Variants in XKR9 observed in about 807,000 individuals in gnomAD.
XKR9 encodes XK-related protein 9.
In XKR9, 32 loss-of-function variants were observed where a neutral mutation model predicts 32.0. The ratio of observed to expected loss-of-function variants is 1.00; its 90% CI spans 0.76 to 1.34. XKR9 has a LOEUF of 1.34. XKR9 is among the 40% of genes most tolerant of loss of function. The pLI is 0.00. For missense variants in XKR9, 546 were observed against 429.7 expected (o/e 1.27, Z -2.39); for synonymous variants, 168 against 143.4 (o/e 1.17, Z -1.22).
the XKR9 span, among the ~76,000 whole-genome samples, chr8:70,886,896 C>T: frequency 1.2e-4 from 18 of 152,098 alleles, no homozygotes; most frequent in African/African-American, 4.1e-4. Flanking sequence ...TTAATTAGAT[C>T]CCGTTTGTCA....
chr8:70,892,218 C>A, the XKR9 span, among the ~76,000 whole-genome samples: 1 of 151,988 alleles, frequency 6.6e-6, no homozygotes, highest in Admixed American at 6.6e-5. Flanking sequence ...CAGTGTGCAT[C>A]TTTTAATAGG....
chr8:70,745,073 AAGG>A (rs1375411654), intron 2 of XKR9, among the ~76,000 whole-genome samples: 1 of 150,142 alleles, frequency 6.7e-6, no homozygotes. Flanking sequence ...TACATCTACT[AAGG>A]AGCTTGAATG....
downstream of XKR9, among the ~76,000 whole-genome samples, chr8:70,791,963 G>A (rs1334024005): frequency 1.3e-5 from 2 of 152,010 alleles, no homozygotes; most frequent in Non-Finnish European, 2.9e-5. Flanking sequence ...AAGTAAGTAA[G>A]CCAGGCTTTG....
chr8:70,782,260 T>G (rs929067828), intron 2 of XKR9, among the ~76,000 whole-genome samples: 1 of 152,232 alleles, frequency 6.6e-6, no homozygotes, highest in African/African-American at 2.4e-5. Context: ...GTGCATTTTA[T>G]TTTTATTTTT....
rs1253695946 is a variant in XKR9, at chr8:70,669,386, C to CTGGCGCGAGGCGTGAGG, written c.-507_-491dup. ...GGCTGCGCGGGCAGTGGTGGGAAGG[C>CTGGCGCGAGGCGTGAGG]TGGCGCGAGGCGTGAGGTGGCGTGA... On this transcript the variant is annotated 5_prime_UTR_variant, in exon 1 of 5. Transcript: ENST00000408926. 1.1e-5 allele frequency: 5 copies of CTGGCGCGAGGCGTGAGG among 452,242 alleles called. No homozygotes were observed. In the Admixed American group the frequency reaches 1.2e-4, roughly 11 times the overall value. 28.0% of individuals were successfully genotyped at this position (452,242 alleles called of 1,614,324 possible). A position where few individuals can be genotyped will look rare whatever the true frequency, so the allele number is the denominator to read the frequency against.
the XKR9 span, among the ~76,000 whole-genome samples, chr8:70,845,815 A>G: frequency 6.6e-6 from 1 of 152,200 alleles, no homozygotes; most frequent in East Asian, 1.9e-4. Context: ...GACATCCTAA[A>G]GGAACCAAAT....
At chr8:70,709,650 C>T (rs754332730) in intron 4 of XKR9, among the ~76,000 whole-genome samples, 1 of 151,944 alleles carries the variant, frequency 6.6e-6, no homozygotes, top group Non-Finnish European at 1.5e-5. Flanking sequence ...TTTTTTACAC[C>T]AGCCATGTCC....
the XKR9 span, among the ~76,000 whole-genome samples, chr8:71,003,539 T>C: frequency 6.6e-6 from 1 of 152,108 alleles, no homozygotes; most frequent in Non-Finnish European, 1.5e-5. Flanking sequence ...AACTAACCCC[T>C]GGCTAGTGTT....
the XKR9 span, among the ~76,000 whole-genome samples, chr8:70,813,929 A>C: frequency 1.3e-5 from 2 of 152,168 alleles, no homozygotes; most frequent in East Asian, 1.9e-4. Flanking sequence ...TTGACGCAGC[A>C]ATCCCATTAC....
intron 2 of XKR9, among the ~76,000 whole-genome samples, chr8:70,746,038 C>A (rs1024402372): frequency 2.0e-5 from 3 of 152,022 alleles, no homozygotes; most frequent in Non-Finnish European, 2.9e-5. Context: ...GATATTAGAT[C>A]TAGTTTGTTA....
the XKR9 span, among the ~76,000 whole-genome samples, chr8:70,995,142 A>G: frequency 6.6e-6 from 1 of 152,184 alleles, no homozygotes; most frequent in African/African-American, 2.4e-5. Context: ...TCTTCTCAAT[A>G]GCCTTCAGAT....
At chr8:70,717,633 A>AT (rs1171971063) in intron 4 of XKR9, among the ~76,000 whole-genome samples, 1 of 151,862 alleles carries the variant, frequency 6.6e-6, no homozygotes, top group Non-Finnish European at 1.5e-5. Flanking sequence ...CTACAAAACC[A>AT]TTTTTTCATC....
chr8:71,063,566 G>A, the XKR9 span, among the ~76,000 whole-genome samples: 1 of 150,992 alleles, frequency 6.6e-6, no homozygotes, highest in Admixed American at 6.6e-5. Flanking sequence ...AAAAAAAAAA[G>A]AGAAAGAAAA....
intron 2 of XKR9, among the ~76,000 whole-genome samples, chr8:70,747,409 A>C (rs1389565174): frequency 2.0e-5 from 3 of 152,234 alleles, no homozygotes; most frequent in Non-Finnish European, 4.4e-5. Flanking sequence ...TTAGTGGATT[A>C]ATAGGTTAAT....
chr8:70,878,132 C>A, the XKR9 span, among the ~76,000 whole-genome samples: 1 of 152,160 alleles, frequency 6.6e-6, no homozygotes, highest in African/African-American at 2.4e-5. Context: ...CACCACCAGG[C>A]CTGCCTTACA....
At chr8:70,707,639 G>T (rs191748307) in intron 4 of XKR9, among the ~76,000 whole-genome samples, 1 of 151,990 alleles carries the variant, frequency 6.6e-6, no homozygotes, top group East Asian at 1.9e-4. Flanking sequence ...TTGAAAAAAT[G>T]CTGCAACGAG....
intron 2 of XKR9, among the ~76,000 whole-genome samples, chr8:70,747,145 T>C (rs1401591301): frequency 6.6e-6 from 1 of 152,220 alleles, no homozygotes; most frequent in Non-Finnish European, 1.5e-5. Context: ...ACATTTTCTT[T>C]ATTCAGTCCA....
intron 2 of XKR9, among the ~76,000 whole-genome samples, chr8:70,748,586 C>A (rs567160738): frequency 6.6e-6 from 1 of 152,312 alleles, no homozygotes; most frequent in African/African-American, 2.4e-5. Flanking sequence ...CTGTGCAGGT[C>A]TGCAGGTGCC....
intron 2 of XKR9, among the ~76,000 whole-genome samples, chr8:70,782,970 C>G (rs62508778): frequency 0.073 from 11,043 of 152,204 alleles, 472 homozygotes; most frequent in Non-Finnish European, 0.089. Flanking sequence ...CATGGTAAAT[C>G]TATTTTTAGT....
Sources: allele counts gnomAD v4.1 joint callset (sites outside exome capture counted in the v4.1 genomes callset), GRCh38; gene constraint gnomAD v4.1.1; transcripts MANE v1.5; gene names NCBI Gene and HGNC (gene_info 2026-07-23, HGNC 2026-07-21).